Variants in RBPJL observed in about 807,000 individuals in gnomAD.
RBPJL encodes the protein recombination signal binding protein for immunoglobulin kappa J region like, also known as recombining binding protein suppressor of hairless-like protein.
In RBPJL, 50 loss-of-function variants were observed where a neutral mutation model predicts 57.6. The ratio of observed to expected loss-of-function variants is 0.87; its 90% CI spans 0.69 to 1.10. The LOEUF (loss-of-function observed/expected upper bound fraction) is 1.10, where lower values mean the gene tolerates loss of function less well. Ranked by LOEUF, RBPJL falls within the 50% of genes least tolerant of loss-of-function variation. The probability of loss-of-function intolerance (pLI) is 0.00; values close to 1 mark genes in which losing one functional copy is unlikely to be tolerated. For synonymous variants in RBPJL, 303 were observed against 294.4 expected (o/e 1.03, Z -0.30); for missense variants, 684 against 693.7 (o/e 0.99, Z 0.16).
chr20:45,308,106 A>T (rs1457384958), intron 1 of RBPJL, 37 bp from the exon 2 acceptor site: 2 of 1,474,518 alleles, frequency 1.4e-6, no homozygotes, highest in Non-Finnish European at 1.9e-6. Flanking sequence ...GCTAAAATAC[A>T]CTCGCCTGAC....
Position 45,316,952 on chromosome 20 carries a change from A to G in RBPJL, c.1547A>G (p.Gln516Arg). 6.2e-7 allele frequency: 1 copy of G among 1,611,270 alleles called. No individual in the cohort carries two copies. The highest frequency in any genetic ancestry group is 1.7e-4 in the Middle Eastern group (1 of 6,050). Residue 516 changes from glutamine to arginine, a missense_variant, in exon 12 of 12, where the codon CAG becomes CGG. Gln to Arg is a conservative substitution (Grantham distance 43). Coordinates refer to ENST00000343694, the MANE Select transcript of RBPJL (RefSeq NM_014276.4). ...CGCACCAACTTCCACCTCTTCATCC[A>G]GACTTAGGCGCGCCCGGTAGCCCCG... is the stretch of plus-strand genomic sequence containing the variant. ...FTRTNFHLFI[Q>R]T
In RBPJL at chr20:45,315,976, A is replaced by G. The variant is rs1180595973; in HGVS notation, c.1021-211A>G. On this transcript the variant is annotated intron_variant, in intron 9 of 11. Coordinates refer to ENST00000343694, the MANE Select transcript of RBPJL (RefSeq NM_014276.4). ...ATAAAGAAAAAAGAAAGAAGAAAGAAGAAAGAAGAAATCAGCTAGCTCAAC... is the reference window on the plus strand; with the variant it reads ...ATAAAGAAAAAAGAAAGAAGAAAGAGGAAAGAAGAAATCAGCTAGCTCAAC... 2.0e-5 allele frequency: 8 copies of G among 405,308 alleles called. No individual in the cohort carries two copies. In the East Asian group the frequency reaches 2.8e-4, roughly 14 times the overall value. The allele number at this position is 405,308 out of a possible 1,614,324, so 25.1% of individuals were successfully genotyped here. A position where few individuals can be genotyped will look rare whatever the true frequency, so the allele number is the denominator to read the frequency against.
At chr20:45,316,119 A>T in intron 9 of RBPJL, 68 bp from the exon 10 acceptor site, 2 of 1,534,386 alleles carry the variant, frequency 1.3e-6, no homozygotes, top group South Asian at 2.3e-5. Context: ...CCCACGCGCC[A>T]TGCTGGCTCC....
chr20:45,316,768 A>G lies in RBPJL; in HGVS notation c.1363A>G (p.Ile455Val), dbSNP rs1056529995. 2 of 1,613,640 alleles carry G rather than the reference A, an allele frequency of 1.2e-6. No individual in the cohort carries two copies. Among genetic ancestry groups the G allele is most frequent in the East Asian group, 4.5e-5 (2 of 44,834 alleles). The change falls in exon 12 of 12, where the codon ATC (isoleucine) becomes GTC (valine). Residue 455 changes from isoleucine to valine, a missense_variant. Physicochemically the swap from Ile to Val is conservative, Grantham distance 29. Transcript: ENST00000343694. The part of the protein sequence containing the change: ...DWRWLRAPIT[I>V]PMSLVRADGL... ...GCGCTGGCTGCGCGCTCCCATCACA[A>G]TCCCCATGAGCCTGGTGCGCGCCGA...
chr20:45,313,734 G>T (rs1034023968), intron 7 of RBPJL, 129 bp downstream of exon 7: 11 of 968,898 alleles, frequency 1.1e-5, no homozygotes, highest in Admixed American at 2.8e-5. Flanking sequence ...AAAAAGACTT[G>T]ACTACAGTCC....
chr20:45,315,783 G>C (rs1042755810), intron 9 of RBPJL: 1 of 136,996 alleles, frequency 7.3e-6, no homozygotes, highest in East Asian at 2.0e-4. Context: ...AGGAAGAAGA[G>C]AGAAAGAGAG....
At chr20:45,313,007 CA>C (rs11476630) in intron 6 of RBPJL, among the ~76,000 whole-genome samples, 66,164 of 121,758 alleles carry the variant, frequency 0.54, 16,020 homozygotes, top group African/African-American at 0.66. Flanking sequence ...GATGCTATCT[CA>C]AAAAAAAAAA....
In RBPJL at chr20:45,311,886, C is replaced by T. The variant is rs999325572; in HGVS notation, c.376C>T (p.Leu126=). ...GCCCACGGTCTGCGGTTACATGGGA[C>T]TGGACAGCGCGTCCGGCAGCGCCAC... ...TGPTVCGYMG[L]DSASGSATET... is the part of the protein sequence containing the mutation. The change falls in exon 5 of 12, where the codon CTG becomes TTG. Residue 126 remains leucine, a synonymous_variant. Transcript: ENST00000343694. 6 of 1,551,572 alleles carry T rather than the reference C, an allele frequency of 3.9e-6. No individual in the cohort carries two copies. The Admixed American group carries it at 1.2e-4, about 30-fold the overall frequency.
Position 45,314,161 on chromosome 20 carries a change from C to T in RBPJL, c.867+17C>T. ...CCTCCCATGGTATAGGAAGGGAGGG[C>T]ATGCCTGGAGGGGTCCCCTCAGATC... On this transcript the variant is annotated intron_variant, in intron 8 of 11. Transcript: ENST00000343694. 9 of 1,592,460 alleles carry T rather than the reference C, an allele frequency of 5.7e-6. No homozygotes were observed. The highest frequency in any genetic ancestry group is 7.7e-6 in the Non-Finnish European group (9 of 1,161,358).
In RBPJL at chr20:45,317,060, C is replaced by T; in HGVS notation, c.*101C>T. ...TAGGCCCTGCTTCCTTGCCCCTTTG[C>T]TGCAGAAGGGCAGCTGAAGGCTCAC... On this transcript the variant is annotated 3_prime_UTR_variant, in exon 12 of 12. Coordinates refer to ENST00000343694, the MANE Select transcript of RBPJL (RefSeq NM_014276.4). The T allele has an allele frequency of 7.1e-7, 1 of 1,408,606 alleles. No individual in the cohort carries two copies. Among genetic ancestry groups the T allele is most frequent in the Non-Finnish European group, 9.6e-7 (1 of 1,044,768 alleles). The allele number at this position is 1,408,606 out of a possible 1,614,324, so 87.3% of individuals were successfully genotyped here.
Position 45,309,645 on chromosome 20 carries a change from G to A in RBPJL, c.210G>A (p.Arg70=), listed in dbSNP as rs140487278. 1.7e-5 allele frequency: 27 copies of A among 1,613,700 alleles called. No individual in the cohort carries two copies. The highest frequency in any genetic ancestry group is 2.1e-5 in the Non-Finnish European group (25 of 1,179,854). Residue 70 remains arginine, a synonymous_variant, in exon 3 of 12, where the codon CGG becomes CGA. Coordinates refer to ENST00000343694, the MANE Select transcript of RBPJL (RefSeq NM_014276.4). ...AGCAACAGTGTGAACAGACTGTGCG[G>A]ATCCTGCATGCCAAGGTGGCCCAGA... ...CLQQQCEQTV[R]ILHAKVAQKS... is the part of the protein sequence containing the mutation.
intron 7 of RBPJL, 34 bp downstream of exon 7, chr20:45,313,639 T>G: frequency 6.4e-7 from 1 of 1,552,958 alleles, no homozygotes; most frequent in East Asian, 2.3e-5. Flanking sequence ...AGCTGGGCAC[T>G]TCACATGCAT....
At chr20:45,311,174 A>C (rs1987146028) in intron 3 of RBPJL, among the ~76,000 whole-genome samples, 1 of 150,390 alleles carries the variant, frequency 6.6e-6, no homozygotes, top group African/African-American at 2.5e-5. Context: ...AATGAAAGAA[A>C]AAAAGAAAGA....
At position 45,313,469 on chromosome 20, in the gene RBPJL, G is replaced by A. The variant is rs752079856; in HGVS notation, c.621G>A (p.Leu207=). ...QKKQSLKNTD[L]CISSGSKVSL... ...TAACCCTGACCCTCACCCTCACAGT[G>A]TGCATATCCTCCGGCTCAAAGGTCT... Residue 207 remains leucine (L), a splice_region_variant and synonymous_variant, in exon 7 of 12, where the codon CTG becomes CTA. Transcript: ENST00000343694. The A allele has an allele frequency of 6.2e-7, 1 of 1,610,364 alleles. No individual in the cohort carries two copies. The highest frequency in any genetic ancestry group is 1.3e-5 in the African/African-American group (1 of 74,368).
At chr20:45,308,081 C>A in intron 1 of RBPJL, 62 bp from the exon 2 acceptor site, 1 of 1,211,194 alleles carries the variant, frequency 8.3e-7, no homozygotes, top group Non-Finnish European at 1.2e-6. Context: ...ATAGGGCACC[C>A]TAGGCAGCGT....
rs140340294 is a variant in RBPJL at position 45,306,980 on chromosome 20, C to G, written c.22+36C>G. 2.5e-4 allele frequency: 311 copies of G among 1,235,386 alleles called. 1 individual carries two copies. The African/African-American group carries it at 4.2e-3, about 17-fold the overall frequency. 76.5% of individuals were successfully genotyped at this position (1,235,386 alleles called of 1,614,324 possible). A position where few individuals can be genotyped will look rare whatever the true frequency, so the allele number is the denominator to read the frequency against. On this transcript the variant is annotated intron_variant, in intron 1 of 11. Coordinates refer to ENST00000343694, the MANE Select transcript of RBPJL (RefSeq NM_014276.4). The stretch of plus-strand genomic sequence containing the variant: ...ACCCTCCCGAGGCCCCGGAGACGCC[C>G]CGTGAGAACTACGAAGGACCACCCC...
At position 45,310,609 on chromosome 20, in the gene RBPJL, A is replaced by AT. The variant is rs367921549; in HGVS notation, c.257+917_257+918insT. ...CGACAGAGCAAGACTCAGTCTCAAA[A>AT]AAAAAAAGGGCAACAGAAAATGGGA... On this transcript the variant is annotated intron_variant, in intron 3 of 11. Transcript: ENST00000343694. Among the ~76,000 whole-genome samples the AT allele has an allele frequency of 2.4e-3, 368 of 152,220 alleles. 3 individuals carry two copies. The highest frequency in any genetic ancestry group is 8.3e-3 in the African/African-American group (344 of 41,526).
At chr20:45,315,212 A>G (rs61293720) in intron 9 of RBPJL, among the ~76,000 whole-genome samples, 2,396 of 152,358 alleles carry the variant, frequency 0.016, 45 homozygotes, top group African/African-American at 0.045. Flanking sequence ...CAGAATGTGG[A>G]AAATTATAGA....
chr20:45,314,165 C>G (rs375463281), intron 8 of RBPJL, 21 bp downstream of exon 8: 1 of 1,584,084 alleles, frequency 6.3e-7, no homozygotes, highest in African/African-American at 1.3e-5. Flanking sequence ...GGAGGGCATG[C>G]CTGGAGGGGT....
Sources: allele counts gnomAD v4.1 joint callset (sites outside exome capture counted in the v4.1 genomes callset), GRCh38; gene constraint gnomAD v4.1.1; transcripts MANE v1.5; gene names NCBI Gene and HGNC (gene_info 2026-07-23, HGNC 2026-07-21).